PLEKHM3: variants seen among roughly 807,000 people sequenced by gnomAD.
The protein encoded by PLEKHM3 is pleckstrin homology domain-containing family M member 3.
In PLEKHM3, 45 loss-of-function variants were observed where a neutral mutation model predicts 81.8. That is an observed-to-expected ratio of 0.55 (90% CI 0.43 to 0.71). The LOEUF (loss-of-function observed/expected upper bound fraction) is 0.71. Among genes scored for constraint, PLEKHM3 ranks in the 30% least tolerant of loss-of-function variants. PLEKHM3 has a pLI of 0.00. For missense variants in PLEKHM3, 788 were observed against 924.3 expected (o/e 0.85, Z 1.91); for synonymous variants, 352 against 356.4 (o/e 0.99, Z 0.14).
intron 7 of PLEKHM3, among the ~76,000 whole-genome samples, chr2:207,844,500 G>A (rs1373884212): frequency 6.6e-6 from 1 of 151,226 alleles, no homozygotes; most frequent in Admixed American, 6.6e-5. Flanking sequence ...TGGAGACGGG[G>A]TTTCACCGTG....
At chr2:207,904,779 C>T (rs553700096) in intron 6 of PLEKHM3, among the ~76,000 whole-genome samples, 5 of 152,250 alleles carry the variant, frequency 3.3e-5, no homozygotes, top group Non-Finnish European at 5.9e-5. Flanking sequence ...ACAAAAGCAG[C>T]GGTAAGGTAG....
chr2:207,930,957 G>T lies in PLEKHM3; in HGVS notation c.1855C>A (p.Arg619=). Reference sequence around the variant, plus strand: ...CGGAGATCCTCTGCCACCGCTGCCCGGCAGCTGAACAAATAGGCTCGGAGC... The same window carrying T: ...CGGAGATCCTCTGCCACCGCTGCCCTGCAGCTGAACAAATAGGCTCGGAGC... ...KSLRAYLFSC[R]AAVAEDLRRR... is the part of the protein sequence containing the mutation. Residue 619 remains arginine, a synonymous_variant, in exon 5 of 8, where the codon CGG becomes AGG. Transcript: ENST00000427836. 6.2e-7 allele frequency: 1 copy of T among 1,613,338 alleles called. No individual in the cohort carries two copies. The highest frequency in any genetic ancestry group is 8.5e-7 in the Non-Finnish European group (1 of 1,179,368).
intron 6 of PLEKHM3, among the ~76,000 whole-genome samples, chr2:207,905,283 A>G (rs975142672): frequency 6.6e-6 from 1 of 152,194 alleles, no homozygotes; most frequent in Admixed American, 6.5e-5. Context: ...AACCTTTAGC[A>G]GTGAGGAGAA....
Position 207,826,013 on chromosome 2 carries a change from T to C in PLEKHM3, c.*2306A>G, listed in dbSNP as rs2092249714. 1 of 152,118 alleles carries C rather than the reference T, an allele frequency of 6.6e-6. No homozygotes were observed. Among genetic ancestry groups the C allele is most frequent in the African/African-American group, 2.4e-5 (1 of 41,404 alleles). The allele number at this position is 152,118 out of a possible 1,614,324, so 9.4% of individuals were successfully genotyped here. ...GGTGCCTGTGAGCTAGGAGAGGAAATTCTGTATGCAGGGCAAACATGTTAC... is the reference window on the plus strand; with the variant it reads ...GGTGCCTGTGAGCTAGGAGAGGAAACTCTGTATGCAGGGCAAACATGTTAC... On this transcript the variant is annotated 3_prime_UTR_variant, in exon 8 of 8. Coordinates refer to ENST00000427836, the MANE Select transcript of PLEKHM3 (RefSeq NM_001080475.3).
intron 2 of PLEKHM3, among the ~76,000 whole-genome samples, chr2:208,000,607 C>T (rs1031081415): frequency 7.2e-5 from 11 of 152,194 alleles, no homozygotes; most frequent in African/African-American, 1.2e-4. Context: ...GGGATTGTGT[C>T]TTCACACATC....
chr2:207,974,751 C>G (rs766295498), intron 3 of PLEKHM3, among the ~76,000 whole-genome samples: 4 of 152,000 alleles, frequency 2.6e-5, no homozygotes, highest in Non-Finnish European at 5.9e-5. Flanking sequence ...CTCATCATTT[C>G]AAAACCATTT....
intron 6 of PLEKHM3, among the ~76,000 whole-genome samples, chr2:207,878,988 T>C (rs911672791): frequency 1.3e-5 from 2 of 152,210 alleles, no homozygotes; most frequent in Non-Finnish European, 1.5e-5. Flanking sequence ...TTATCTACCA[T>C]GTACTCATAT....
chr2:207,870,423 GACAA>G (rs2092526921), intron 6 of PLEKHM3, among the ~76,000 whole-genome samples: 2 of 152,212 alleles, frequency 1.3e-5, no homozygotes, highest in African/African-American at 4.8e-5. Context: ...TGCTGCACTT[GACAA>G]ACAACTCCGT....
At chr2:207,831,239 C>T (rs2092285982) in intron 7 of PLEKHM3, among the ~76,000 whole-genome samples, 1 of 152,216 alleles carries the variant, frequency 6.6e-6, no homozygotes, top group Non-Finnish European at 1.5e-5. Context: ...TCAACCCCCT[C>T]CTTGCCTAGA....
intron 6 of PLEKHM3, chr2:207,900,846 C>T (rs16840134): frequency 0.043 from 6,900 of 160,052 alleles, 498 homozygotes; most frequent in African/African-American, 0.16. Context: ...CTGGCAAGAC[C>T]GATGCTAACC....
chr2:207,921,197 C>G (rs571585319), intron 5 of PLEKHM3, among the ~76,000 whole-genome samples: 1 of 152,026 alleles, frequency 6.6e-6, no homozygotes, highest in Non-Finnish European at 1.5e-5. Context: ...TACAGGTGCA[C>G]GCTACCACAC....
At chr2:207,923,436 T>C (rs1473441550) in intron 5 of PLEKHM3, among the ~76,000 whole-genome samples, 2 of 151,900 alleles carry the variant, frequency 1.3e-5, no homozygotes, top group African/African-American at 2.4e-5. Context: ...GGAGAAACCC[T>C]GTCTCTACAA....
intron 3 of PLEKHM3, among the ~76,000 whole-genome samples, chr2:207,961,525 A>T (rs1043210593): frequency 1.3e-5 from 2 of 151,928 alleles, no homozygotes; most frequent in African/African-American, 2.4e-5. Context: ...TAAGTACGAC[A>T]TTTTTTTTCA....
intron 3 of PLEKHM3, among the ~76,000 whole-genome samples, chr2:207,971,646 C>T (rs1691125932): frequency 6.6e-6 from 1 of 151,390 alleles, no homozygotes; most frequent in Non-Finnish European, 1.5e-5. Flanking sequence ...CATACAGGTA[C>T]ACACTTCATA....
At chr2:207,829,986 G>A (rs1261946673) in intron 7 of PLEKHM3, among the ~76,000 whole-genome samples, 2 of 152,144 alleles carry the variant, frequency 1.3e-5, no homozygotes, top group African/African-American at 4.8e-5. Context: ...TGGAGAGGAG[G>A]CAGTGACTTG....
intron 3 of PLEKHM3, among the ~76,000 whole-genome samples, chr2:207,971,108 T>C (rs950663023): frequency 1.1e-4 from 17 of 152,228 alleles, no homozygotes; most frequent in African/African-American, 3.9e-4. Context: ...AAAACAGTCA[T>C]ACAAGGAACA....
chr2:207,915,572 C>T (rs1688963348), intron 5 of PLEKHM3, among the ~76,000 whole-genome samples: 1 of 151,988 alleles, frequency 6.6e-6, no homozygotes. Context: ...AGATGCACAA[C>T]CGGCATTTAA....
intron 7 of PLEKHM3, among the ~76,000 whole-genome samples, chr2:207,860,151 C>CTGTGTGTGTGTGTGTGTGTGTGTGTGTG (rs55739776): frequency 1.5e-4 from 17 of 110,758 alleles, no homozygotes; most frequent in African/African-American, 3.3e-4. Flanking sequence ...AACTCTGCCT[C>CTGTGTGTGTGTGTGTGTGTGTGTGTGTG]TGTGTGTGTG....
chr2:207,838,322 T>C (rs2092331728), intron 7 of PLEKHM3, among the ~76,000 whole-genome samples: 1 of 152,224 alleles, frequency 6.6e-6, no homozygotes, highest in African/African-American at 2.4e-5. Flanking sequence ...ATCTACACTT[T>C]AAGCCCCAGA....
Sources: allele counts gnomAD v4.1 joint callset (sites outside exome capture counted in the v4.1 genomes callset), GRCh38; gene constraint gnomAD v4.1.1; transcripts MANE v1.5; gene names NCBI Gene and HGNC (gene_info 2026-07-23, HGNC 2026-07-21).